ARL8B: variants seen among roughly 807,000 people sequenced by gnomAD.
The protein encoded by ARL8B is ARF like GTPase 8B.
In ARL8B, 9 loss-of-function variants were observed where a neutral mutation model predicts 30.6. The ratio of observed to expected loss-of-function variants is 0.29; its 90% CI spans 0.18 to 0.51. The LOEUF is 0.51. Ranked by LOEUF, ARL8B falls within the 20% of genes least tolerant of loss-of-function variation. The pLI, the probability that ARL8B is intolerant of heterozygous loss-of-function variation, is 0.97. For synonymous variants in ARL8B, 74 were observed against 76.0 expected, an observed-to-expected ratio of 0.97 and a Z score of 0.14; for missense variants, 130 against 227.2, an observed-to-expected ratio of 0.57 and a Z score of 2.75.
At chr3:5,163,821 G>A (rs1036349451) in intron 1 of ARL8B, among the ~76,000 whole-genome samples, 1 of 152,198 alleles carries the variant, frequency 6.6e-6, no homozygotes, top group African/African-American at 2.4e-5. Flanking sequence ...AGTGAGCCGA[G>A]ATCGTGCCAT....
chr3:5,135,756 C>CTATTAT (rs111824873), intron 1 of ARL8B, among the ~76,000 whole-genome samples: 9,410 of 126,682 alleles, frequency 0.074, 439 homozygotes, highest in East Asian at 0.13. Flanking sequence ...CGCACCTGGC[C>CTATTAT]TATTATTATT....
In ARL8B at chr3:5,174,014, A is replaced by G; in HGVS notation, c.373-3A>G. The G allele has an allele frequency of 1.2e-6, 2 of 1,608,434 alleles. No individual in the cohort carries two copies. ...GTGCTCTTAATATCTTTTCTTTTTA[A>G]AGGTGCTAGTGCTTGGAAACAAGAG... On this transcript the variant is annotated splice_polypyrimidine_tract_variant and splice_region_variant and intron_variant, in intron 4 of 6. Transcript: ENST00000256496.
intron 1 of ARL8B, among the ~76,000 whole-genome samples, chr3:5,170,175 A>C (rs956907890): frequency 1.3e-5 from 2 of 152,230 alleles, no homozygotes; most frequent in African/African-American, 4.8e-5. Flanking sequence ...GATCTCATCT[A>C]CTTTGTGGAA....
intron 1 of ARL8B, among the ~76,000 whole-genome samples, chr3:5,146,563 C>A (rs1404590479): frequency 6.6e-6 from 1 of 152,184 alleles, no homozygotes; most frequent in African/African-American, 2.4e-5. Context: ...TAACCCTCTG[C>A]TGTTGCCTTT....
intron 1 of ARL8B, among the ~76,000 whole-genome samples, chr3:5,138,898 A>G (rs1461745914): frequency 6.6e-6 from 1 of 152,188 alleles, no homozygotes; most frequent in African/African-American, 2.4e-5. Flanking sequence ...AGTAATACCC[A>G]GAGAGAGCTG....
At chr3:5,168,397 ATATT>A (rs2054642009) in intron 1 of ARL8B, among the ~76,000 whole-genome samples, 1 of 152,212 alleles carries the variant, frequency 6.6e-6, no homozygotes, top group African/African-American at 2.4e-5. Flanking sequence ...TGTTCAACAA[ATATT>A]TATTGAATAT....
At chr3:5,161,015 C>T (rs1323822215) in intron 1 of ARL8B, among the ~76,000 whole-genome samples, 2 of 152,196 alleles carry the variant, frequency 1.3e-5, no homozygotes, top group East Asian at 3.9e-4. Context: ...GCCTTCCAGG[C>T]TCAAGCCATC....
chr3:5,175,131 A>G (rs2054718183), intron 6 of ARL8B, among the ~76,000 whole-genome samples: 1 of 152,124 alleles, frequency 6.6e-6, no homozygotes, highest in Admixed American at 6.6e-5. Flanking sequence ...AAAATTTTTT[A>G]AAAAGAGGAA....
rs184451529 is a variant in ARL8B, at chr3:5,125,252, T to C, written c.123+2664T>C. Among the ~76,000 whole-genome samples the C allele has an allele frequency of 3.3e-4, 50 of 152,222 alleles. 1 individual carries two copies. The East Asian group carries it at 7.9e-3, about 24-fold the overall frequency. On this transcript the variant is annotated intron_variant, in intron 1 of 6. Coordinates refer to ENST00000256496, the MANE Select transcript of ARL8B (RefSeq NM_018184.3). Reference sequence around the variant, plus strand: ...ACTCATACTGGCCCACAGAAGGGGATAGGTAGATGGTAACTGTTGTTATTT... The same window carrying C: ...ACTCATACTGGCCCACAGAAGGGGACAGGTAGATGGTAACTGTTGTTATTT...
chr3:5,133,807 G>A (rs1436140273), intron 1 of ARL8B, among the ~76,000 whole-genome samples: 1 of 152,110 alleles, frequency 6.6e-6, no homozygotes, highest in Non-Finnish European at 1.5e-5. Flanking sequence ...ATGTGCTGCT[G>A]CGTGTCTGTG....
chr3:5,159,624 AAGAG>A (rs1559283190), intron 1 of ARL8B, among the ~76,000 whole-genome samples: 1 of 142,638 alleles, frequency 7.0e-6, no homozygotes, highest in Non-Finnish European at 1.5e-5. Flanking sequence ...AAAAAAAAAA[AAGAG>A]AAAAAGAAAA....
chr3:5,151,584 T>C (rs2054484088), intron 1 of ARL8B, among the ~76,000 whole-genome samples: 5 of 152,234 alleles, frequency 3.3e-5, no homozygotes, highest in Admixed American at 3.3e-4. Context: ...ATAGATTATA[T>C]AGCCAAGTAT....
intron 1 of ARL8B, among the ~76,000 whole-genome samples, chr3:5,141,348 A>C (rs1397626785): frequency 6.6e-6 from 1 of 152,140 alleles, no homozygotes; most frequent in Non-Finnish European, 1.5e-5. Context: ...TTGGTCCTCA[A>C]ATTGCTTTAG....
At chr3:5,143,679 T>A (rs2054395409) in intron 1 of ARL8B, among the ~76,000 whole-genome samples, 1 of 152,236 alleles carries the variant, frequency 6.6e-6, no homozygotes, top group Admixed American at 6.5e-5. Flanking sequence ...GTGGAGCTTG[T>A]CTTCTTAACA....
At chr3:5,129,755 C>T (rs1438091234) in intron 1 of ARL8B, among the ~76,000 whole-genome samples, 3 of 152,076 alleles carry the variant, frequency 2.0e-5, no homozygotes, top group Admixed American at 6.6e-5. Flanking sequence ...TGGTGGCTCA[C>T]GCTTGTAATC....
chr3:5,143,378 A>G (rs2054391742), intron 1 of ARL8B, among the ~76,000 whole-genome samples: 1 of 152,210 alleles, frequency 6.6e-6, no homozygotes, highest in Non-Finnish European at 1.5e-5. Flanking sequence ...AAGAGCAGTG[A>G]CAGACTCTTA....
chr3:5,153,482 C>A (rs1273287946), intron 1 of ARL8B, among the ~76,000 whole-genome samples: 2 of 152,132 alleles, frequency 1.3e-5, no homozygotes, highest in African/African-American at 4.8e-5. Context: ...GCTTCCCCAG[C>A]CACATGGAAC....
intron 1 of ARL8B, among the ~76,000 whole-genome samples, chr3:5,136,570 A>G (rs1201516820): frequency 6.6e-6 from 1 of 152,154 alleles, no homozygotes; most frequent in Admixed American, 6.5e-5. Context: ...AAGTGTTTTA[A>G]GTCTACTCTA....
intron 1 of ARL8B, among the ~76,000 whole-genome samples, chr3:5,130,516 T>C (rs2054273242): frequency 6.6e-6 from 1 of 152,072 alleles, no homozygotes; most frequent in African/African-American, 2.4e-5. Flanking sequence ...TGCTGCTTGC[T>C]TGCTTGTGTG....
Sources: allele counts gnomAD v4.1 joint callset (sites outside exome capture counted in the v4.1 genomes callset), GRCh38; gene constraint gnomAD v4.1.1; transcripts MANE v1.5; gene names NCBI Gene and HGNC (gene_info 2026-07-23, HGNC 2026-07-21).